DCC: variants seen among roughly 807,000 people sequenced by gnomAD.
The protein encoded by DCC is netrin receptor DCC.
Under a neutral mutation model 172.5 loss-of-function variants are expected in DCC, and 58 were observed. The ratio of observed to expected loss-of-function variants is 0.34; its 90% CI spans 0.27 to 0.42. The LOEUF is 0.42. Among genes scored for constraint, DCC ranks in the 10% least tolerant of loss-of-function variants. The pLI is 1.00. For synonymous variants in DCC, 709 were observed against 644.5 expected (o/e 1.10, Z -1.52); for missense variants, 1,740 against 1,791.0 (o/e 0.97, Z 0.51).
chr18:52,774,690 G>A (rs2037398266), intron 2 of DCC, among the ~76,000 whole-genome samples: 1 of 152,232 alleles, frequency 6.6e-6, no homozygotes, highest in East Asian at 1.9e-4. Flanking sequence ...ATACAGTCGG[G>A]TCCTGGTTAC....
At chr18:53,016,435 C>T (rs147498093) in intron 5 of DCC, among the ~76,000 whole-genome samples, 64 of 152,048 alleles carry the variant, frequency 4.2e-4, no homozygotes, top group African/African-American at 1.4e-3. Flanking sequence ...CAAATTTTTG[C>T]CTTAGCTTTT....
At chr18:52,966,005 A>G (rs901183667) in intron 5 of DCC, among the ~76,000 whole-genome samples, 2 of 152,156 alleles carry the variant, frequency 1.3e-5, no homozygotes, top group Admixed American at 1.3e-4. Context: ...GGGACCCATA[A>G]AGGAATATCA....
At chr18:53,085,579 T>C (rs1054501508) in intron 7 of DCC, among the ~76,000 whole-genome samples, 10 of 152,136 alleles carry the variant, frequency 6.6e-5, no homozygotes, top group Non-Finnish European at 1.3e-4. Context: ...TTTCCTGAAT[T>C]GCTGAAATAT....
At chr18:53,336,592 C>T (rs760668577) in intron 14 of DCC, among the ~76,000 whole-genome samples, 9 of 152,136 alleles carry the variant, frequency 5.9e-5, no homozygotes, top group African/African-American at 1.2e-4. Context: ...AGACTCACAT[C>T]GATAATTCCA....
chr18:53,312,810 A>T (rs1290465834), intron 13 of DCC, among the ~76,000 whole-genome samples: 2 of 145,776 alleles, frequency 1.4e-5, no homozygotes, highest in East Asian at 4.0e-4. Context: ...CACTGTCTCA[A>T]AAAAAAAAAA....
intron 1 of DCC, among the ~76,000 whole-genome samples, chr18:52,343,159 AT>A (rs1983731520): frequency 1.3e-5 from 2 of 152,248 alleles, no homozygotes; most frequent in Admixed American, 1.3e-4. Flanking sequence ...GATATTGCCA[AT>A]TCACAACACT....
intron 9 of DCC, among the ~76,000 whole-genome samples, chr18:53,181,493 T>A (rs2055196232): frequency 6.6e-6 from 1 of 151,316 alleles, no homozygotes; most frequent in Non-Finnish European, 1.5e-5. Context: ...CTAAGAACAC[T>A]CATTCCATAA....
At chr18:53,455,833 G>A (rs879585841) in intron 23 of DCC, among the ~76,000 whole-genome samples, 7 of 152,154 alleles carry the variant, frequency 4.6e-5, no homozygotes, top group Admixed American at 2.0e-4. Context: ...AAATTCCCAG[G>A]AGCCATGCCA....
At chr18:53,450,381 A>C in intron 22 of DCC, 119 bp from the exon 23 acceptor site, 2 of 1,057,956 alleles carry the variant, frequency 1.9e-6, no homozygotes, top group Non-Finnish European at 2.9e-6. Flanking sequence ...AACTCCCATC[A>C]CTACCCCTAA....
chr18:52,545,275 T>C (rs1003701652), intron 1 of DCC, among the ~76,000 whole-genome samples: 13 of 152,062 alleles, frequency 8.5e-5, no homozygotes, highest in African/African-American at 3.1e-4. Flanking sequence ...ATTCTCGAGA[T>C]TGCCTTGGTG....
At chr18:53,223,700 G>C (rs915786675) in intron 12 of DCC, among the ~76,000 whole-genome samples, 7 of 152,126 alleles carry the variant, frequency 4.6e-5, no homozygotes, top group Non-Finnish European at 1.0e-4. Flanking sequence ...TTTTAAAGAT[G>C]TTGAACCATT....
intron 16 of DCC, among the ~76,000 whole-genome samples, chr18:53,388,533 T>G (rs541970578): frequency 2.6e-5 from 4 of 152,222 alleles, no homozygotes; most frequent in African/African-American, 9.6e-5. Flanking sequence ...CTCTGGAGCC[T>G]CATCCCATAC....
chr18:52,926,826 C>T (rs12962816), intron 5 of DCC, among the ~76,000 whole-genome samples: 1 of 114,580 alleles, frequency 8.7e-6, no homozygotes, highest in Admixed American at 1.0e-4. Flanking sequence ...TGTATATATA[C>T]ATATACATAC....
intron 17 of DCC, among the ~76,000 whole-genome samples, chr18:53,394,068 C>G (rs1181549121): frequency 6.6e-6 from 1 of 152,134 alleles, no homozygotes; most frequent in Admixed American, 6.5e-5. Context: ...AATGTCATAT[C>G]TTTACTTCAT....
intron 1 of DCC, among the ~76,000 whole-genome samples, chr18:52,383,142 C>T (rs1216348291): frequency 6.6e-6 from 1 of 152,032 alleles, no homozygotes. Context: ...GACAGATTCT[C>T]AAAGACAAAA....
intron 12 of DCC, among the ~76,000 whole-genome samples, chr18:53,242,617 G>A (rs2056312842): frequency 6.6e-6 from 1 of 152,020 alleles, no homozygotes; most frequent in South Asian, 2.1e-4. Context: ...TATCATGATA[G>A]TATCTAAGAA....
chr18:53,421,308 G>A (rs965268123), intron 21 of DCC, among the ~76,000 whole-genome samples: 6 of 152,162 alleles, frequency 3.9e-5, no homozygotes, highest in Non-Finnish European at 8.8e-5. Context: ...TAGGTGCTAT[G>A]GCGATGATAC....
chr18:53,450,749 A>G, intron 23 of DCC, 87 bp downstream of exon 23: 1 of 1,103,638 alleles, frequency 9.1e-7, no homozygotes, highest in South Asian at 1.3e-5. Flanking sequence ...GTTCTTTCAT[A>G]ATTCACCCCA....
At chr18:52,661,626 A>C (rs780248571) in intron 1 of DCC, among the ~76,000 whole-genome samples, 110 of 152,364 alleles carry the variant, frequency 7.2e-4, no homozygotes, top group Non-Finnish European at 1.4e-3. Flanking sequence ...CCCAGTAAAC[A>C]GCTAGAGGGA....
Sources: allele counts gnomAD v4.1 joint callset (sites outside exome capture counted in the v4.1 genomes callset), GRCh38; gene constraint gnomAD v4.1.1; transcripts MANE v1.5; gene names NCBI Gene and HGNC (gene_info 2026-07-23, HGNC 2026-07-21).